The following DNAH11 variants were observed in gnomAD, a reference collection of about 807,000 sequenced individuals.
DNAH11 encodes the protein axonemal beta dynein heavy chain 11.
Under a neutral mutation model 526.0 loss-of-function variants are expected in DNAH11, and 442 were observed. The ratio of observed to expected loss-of-function variants is 0.84; its 90% CI spans 0.78 to 0.91. The LOEUF is 0.91. Ranked by LOEUF, DNAH11 falls within the 40% of genes least tolerant of loss-of-function variation. The pLI is 0.00. For synonymous variants in DNAH11, 2,461 were observed against 1,935.9 expected (o/e 1.27, Z -7.12); for missense variants, 6,989 against 5,448.7 (o/e 1.28, Z -8.90).
In DNAH11 at chr7:21,558,917, G is replaced by C. The variant is rs1427462468; in HGVS notation, c.611G>C (p.Gly204Ala). ...AAAAAGAAGATGTATATTTTTAGGG[G>C]CAAAATGTCTAGAAGAACTCTTCTA... is the stretch of plus-strand genomic sequence containing the variant. Reference protein sequence around the residue: ...VMKKKMYIFRGKMSRRTLLPI... With the variant: ...VMKKKMYIFRAKMSRRTLLPI... The change falls in exon 3 of 82, where the codon GGC (glycine) becomes GCC (alanine). Residue 204 changes from glycine to alanine, a missense_variant. Coordinates refer to ENST00000409508, the MANE Select transcript of DNAH11 (RefSeq NM_001277115.2). 1 of 1,599,938 alleles carries C rather than the reference G, an allele frequency of 6.3e-7. No homozygotes were observed. The highest frequency in any genetic ancestry group is 8.5e-7 in the Non-Finnish European group (1 of 1,172,576).
chr7:21,575,207 A>T (rs1784044385), intron 8 of DNAH11, among the ~76,000 whole-genome samples: 1 of 152,096 alleles, frequency 6.6e-6, no homozygotes, highest in African/African-American at 2.4e-5. Flanking sequence ...CCACCCTGTT[A>T]GTATTTATCT....
rs779389491 is a variant in DNAH11 at position 21,744,602 on chromosome 7, AAGCGTATGAATGTCAG to A, written c.8316+6_8316+21del. The A allele has an allele frequency of 6.2e-7, 1 of 1,612,310 alleles. No individual in the cohort carries two copies. The highest frequency in any genetic ancestry group is 2.2e-5 in the East Asian group (1 of 44,874). On this transcript the variant is annotated splice_donor_5th_base_variant and intron_variant, in intron 50 of 81. Transcript: ENST00000409508. ...AAACTGCTTATAAATATTTTGAAGT[AAGCGTATGAATGTCAG>A]AGGTCACTACTTACTCCAACACCAA...
intron 8 of DNAH11, among the ~76,000 whole-genome samples, chr7:21,581,510 C>T (rs1784305578): frequency 6.6e-6 from 1 of 152,136 alleles, no homozygotes; most frequent in East Asian, 1.9e-4. Context: ...TATAGATGGA[C>T]TAAAGTTATA....
At chr7:21,662,020 T>C (rs1386572917) in intron 30 of DNAH11, among the ~76,000 whole-genome samples, 1 of 152,092 alleles carries the variant, frequency 6.6e-6, no homozygotes, top group African/African-American at 2.4e-5. Flanking sequence ...GGTTTCACCA[T>C]GTTGGCCAGG....
rs781438722 is a variant in DNAH11, at chr7:21,683,941, A to G, written c.5618A>G (p.Asp1873Gly). ...SPRLVITPLTDRCYITLTQSL... is the reference protein window; with the variant it reads ...SPRLVITPLTGRCYITLTQSL... ...CGACTAGTGATCACTCCTCTAACTGACAGGTAACAATTCAAAGTTTCCGTC... is the reference window on the plus strand; with the variant it reads ...CGACTAGTGATCACTCCTCTAACTGGCAGGTAACAATTCAAAGTTTCCGTC... Residue 1873 changes from aspartate (D) to glycine (G), a missense_variant, in exon 32 of 82, where the codon GAC (aspartate) becomes GGC (glycine). Physicochemically the swap from Asp to Gly is moderately conservative, Grantham distance 94. Transcript: ENST00000409508. The G allele has an allele frequency of 6.2e-7, 1 of 1,612,640 alleles. No individual in the cohort carries two copies. Among genetic ancestry groups the G allele is most frequent in the Non-Finnish European group, 8.5e-7 (1 of 1,179,154 alleles).
rs1216480920 is a variant in DNAH11, at chr7:21,901,211, C to T, written c.13508C>T (p.Ala4503Val). 1.2e-6 allele frequency: 2 copies of T among 1,613,668 alleles called. No homozygotes were observed. The highest frequency in any genetic ancestry group is 1.6e-4 in the Middle Eastern group (1 of 6,084). ...AGGCTGAAGAGCGAAGAGAAGACTGCAAAATGGGTTCTGGCTGGAGTGGCT... is the reference window on the plus strand; with the variant it reads ...AGGCTGAAGAGCGAAGAGAAGACTGTAAAATGGGTTCTGGCTGGAGTGGCT... ...TFRLKSEEKT[A>V]KWVLAGVALL... Residue 4503 changes from alanine (A) to valine (V), a missense_variant, in exon 82 of 82, where the codon GCA becomes GTA. Transcript: ENST00000409508.
At chr7:21,621,832 G>T (rs540257968) in intron 25 of DNAH11, among the ~76,000 whole-genome samples, 3 of 152,068 alleles carry the variant, frequency 2.0e-5, no homozygotes, top group Non-Finnish European at 4.4e-5. Flanking sequence ...AATAATAAGA[G>T]CTATCTATGA....
chr7:21,837,083 C>CA (rs1268674520), intron 65 of DNAH11, among the ~76,000 whole-genome samples: 1 of 151,880 alleles, frequency 6.6e-6, no homozygotes, highest in Non-Finnish European at 1.5e-5. Context: ...ATCAAAAAGA[C>CA]AAAAAATAAC....
intron 65 of DNAH11, among the ~76,000 whole-genome samples, chr7:21,838,747 T>C (rs1164152795): frequency 6.6e-6 from 1 of 151,932 alleles, no homozygotes; most frequent in African/African-American, 2.4e-5. Context: ...TATTTATTTA[T>C]TTTTGAGACA....
Position 21,570,398 on chromosome 7 carries a change from G to A in DNAH11, c.1425+99G>A, listed in dbSNP as rs1401794163. ...TGGAACAGTTTACTTTATATCATAGGTGGAGGTCTCCTTTCTCAGTGATTC... is the reference window on the plus strand; with the variant it reads ...TGGAACAGTTTACTTTATATCATAGATGGAGGTCTCCTTTCTCAGTGATTC... On this transcript the variant is annotated intron_variant, in intron 7 of 81. Transcript: ENST00000409508. 36 of 952,096 alleles carry A rather than the reference G, an allele frequency of 3.8e-5. No individual in the cohort carries two copies. In the East Asian group the frequency reaches 9.0e-4, roughly 24 times the overall value. The allele number at this position is 952,096 out of a possible 1,614,324, so 59.0% of individuals were successfully genotyped here.
chr7:21,628,692 A>G (rs1786463095), intron 25 of DNAH11, among the ~76,000 whole-genome samples: 1 of 152,078 alleles, frequency 6.6e-6, no homozygotes, highest in African/African-American at 2.4e-5. Flanking sequence ...TCCATCAGCT[A>G]ATATTTTGTA....
intron 30 of DNAH11, among the ~76,000 whole-genome samples, chr7:21,662,269 A>G (rs1782268682): frequency 6.6e-6 from 1 of 152,108 alleles, no homozygotes; most frequent in Non-Finnish European, 1.5e-5. Context: ...TATAAGAAAA[A>G]TTTTCTAACA....
intron 64 of DNAH11, among the ~76,000 whole-genome samples, chr7:21,817,309 A>G (rs1789840429): frequency 6.6e-6 from 1 of 152,110 alleles, no homozygotes; most frequent in Non-Finnish European, 1.5e-5. Flanking sequence ...TTTTAGAACT[A>G]TGGATATTTC....
intron 14 of DNAH11, among the ~76,000 whole-genome samples, chr7:21,598,065 C>T (rs368465455): frequency 1.3e-5 from 2 of 152,180 alleles, no homozygotes; most frequent in African/African-American, 2.4e-5. Flanking sequence ...AGGATCTGTA[C>T]TTACCTCTCT....
chr7:21,594,200 T>A (rs936277607), intron 14 of DNAH11, among the ~76,000 whole-genome samples: 26 of 152,096 alleles, frequency 1.7e-4, no homozygotes, highest in African/African-American at 6.3e-4. Context: ...AATTTTCTCA[T>A]GTGTAAAATG....
At chr7:21,686,510 T>G (rs889207231) in intron 32 of DNAH11, among the ~76,000 whole-genome samples, 2 of 152,246 alleles carry the variant, frequency 1.3e-5, no homozygotes, top group African/African-American at 4.8e-5. Flanking sequence ...CAAAAATAAG[T>G]ATTATGGTAA....
intron 73 of DNAH11, among the ~76,000 whole-genome samples, chr7:21,871,749 CG>C (rs2128037535): frequency 6.6e-6 from 1 of 152,122 alleles, no homozygotes; most frequent in East Asian, 1.9e-4. Context: ...GCCAACTTTC[CG>C]TGTCTTCATG....
At position 21,816,291 on chromosome 7, in the gene DNAH11, A is replaced by G. The variant is rs528040371; in HGVS notation, c.10333-176A>G. On this transcript the variant is annotated intron_variant, in intron 63 of 81. Transcript: ENST00000409508. ...CAGAATTCTGAGATGTAAATACTGG[A>G]TTTATCAAGTCAAATTGCATCTAAT... 2.0e-5 allele frequency among the ~76,000 whole-genome samples: 3 copies of G among 152,288 alleles called. No individual in the cohort carries two copies. The East Asian group carries it at 5.8e-4, about 29-fold the overall frequency.
At chr7:21,827,473 T>G (rs1265174468) in intron 65 of DNAH11, among the ~76,000 whole-genome samples, 1 of 151,660 alleles carries the variant, frequency 6.6e-6, no homozygotes, top group African/African-American at 2.4e-5. Flanking sequence ...CTGGAGTAAC[T>G]TTACTGCAAT....
Sources: gnomAD v4.1 joint callset for allele counts (sites outside exome capture counted in the v4.1 genomes callset) on GRCh38, gnomAD v4.1.1 for gene constraint, MANE v1.5 for transcripts, NCBI Gene and HGNC (gene_info 2026-07-23, HGNC 2026-07-21) for gene names.